ZFHX3: variants seen among roughly 807,000 people sequenced by gnomAD.
The protein encoded by ZFHX3 is zinc finger homeobox 3.
A neutral mutation model predicts 279.1 loss-of-function variants in ZFHX3; 42 were observed. That is an observed-to-expected ratio of 0.15 (90% CI 0.12 to 0.19). The LOEUF is 0.19. ZFHX3 is among the 10% of genes least tolerant of loss of function. ZFHX3 has a pLI of 1.00. For synonymous variants in ZFHX3, 2,293 were observed against 1,957.8 expected (o/e 1.17, Z -4.52); for missense variants, 4,981 against 4,754.0 (o/e 1.05, Z -1.40).
At chr16:73,504,335 G>T (rs825853) in intron 2 of ZFHX3, 2 of 152,004 alleles carry the variant, frequency 1.3e-5, no homozygotes, top group African/African-American at 4.8e-5. Context: ...TTTTTGAAAG[G>T]GGAAAACCAA....
intron 1 of ZFHX3, among the ~76,000 whole-genome samples, chr16:73,736,003 G>A (rs1397274906): frequency 1.3e-5 from 2 of 151,762 alleles, no homozygotes; most frequent in African/African-American, 4.9e-5. Flanking sequence ...GCTCCCCCAG[G>A]GTACTAAGCA....
intron 1 of ZFHX3, among the ~76,000 whole-genome samples, chr16:73,798,138 G>C (rs1425087406): frequency 6.6e-6 from 1 of 152,036 alleles, no homozygotes; most frequent in African/African-American, 2.4e-5. Flanking sequence ...CTATAAGGTA[G>C]TAATAACACT....
chr16:73,845,271 C>T (rs754219170), intron 1 of ZFHX3, among the ~76,000 whole-genome samples: 4 of 152,100 alleles, frequency 2.6e-5, no homozygotes, highest in Non-Finnish European at 4.4e-5. Flanking sequence ...AAGAGCCAGA[C>T]GTTTTTTCTC....
At chr16:73,478,311 A>G (rs929964665) in intron 2 of ZFHX3, among the ~76,000 whole-genome samples, 14 of 150,450 alleles carry the variant, frequency 9.3e-5, no homozygotes, top group East Asian at 7.9e-4. Context: ...TAAAAGCCAT[A>G]TGACATGCCT....
At chr16:72,890,545 T>G (rs2038748759) in intron 3 of ZFHX3, among the ~76,000 whole-genome samples, 1 of 151,874 alleles carries the variant, frequency 6.6e-6, no homozygotes, top group Non-Finnish European at 1.5e-5. Flanking sequence ...CTCTAGCAGT[T>G]CTTTGAAAAA....
chr16:73,504,210 A>T (rs1185638444), intron 2 of ZFHX3: 3 of 152,302 alleles, frequency 2.0e-5, no homozygotes, highest in African/African-American at 7.2e-5. Flanking sequence ...ATGTATTTTT[A>T]AAAATCTTAA....
chr16:73,889,558 A>T (rs1030357828), intron 1 of ZFHX3, among the ~76,000 whole-genome samples: 19 of 152,238 alleles, frequency 1.2e-4, no homozygotes, highest in Admixed American at 9.8e-4. Context: ...AGGAAAACTT[A>T]GGGTGAAGTA....
chr16:73,279,023 C>T (rs1377219796), intron 4 of ZFHX3, among the ~76,000 whole-genome samples: 1 of 152,228 alleles, frequency 6.6e-6, no homozygotes, highest in Non-Finnish European at 1.5e-5. Flanking sequence ...CCATACTTCT[C>T]AGTTAAATGT....
At chr16:73,549,501 G>A (rs1254107215) in intron 2 of ZFHX3, among the ~76,000 whole-genome samples, 1 of 152,090 alleles carries the variant, frequency 6.6e-6, no homozygotes, top group East Asian at 1.9e-4. Flanking sequence ...AAATAGGAAT[G>A]TAAAAATGGT....
intron 1 of ZFHX3, among the ~76,000 whole-genome samples, chr16:73,818,525 G>A (rs917028588): frequency 8.5e-5 from 13 of 152,172 alleles, no homozygotes; most frequent in African/African-American, 3.1e-4. Context: ...ACCTAGGAAA[G>A]GGTCAGCAGG....
In ZFHX3 at chr16:73,227,992, C is replaced by T. The variant is rs112600484; in HGVS notation, c.-1104+29055G>A. ...CTATAACTTTATTTAACCTTCACAA[C>T]CTCCCTATGTATTAGGCACTATTAT... is the stretch of plus-strand genomic sequence containing the variant. On this transcript the variant is annotated intron_variant, in intron 5 of 17. Coordinates refer to the ZFHX3 transcript ENST00000641206. Among the ~76,000 whole-genome samples, 297 of 152,126 alleles carry T rather than the reference C, an allele frequency of 2.0e-3. 2 individuals are homozygous for T. Among genetic ancestry groups the T allele is most frequent in the African/African-American group, 6.7e-3 (278 of 41,510 alleles).
intron 1 of ZFHX3, among the ~76,000 whole-genome samples, chr16:73,682,955 AAAG>A (rs1322513554): frequency 4.6e-5 from 1 of 21,518 alleles, no homozygotes; most frequent in Non-Finnish European, 9.0e-5. Flanking sequence ...AGAAAGAAAG[AAAG>A]AAAGAAAGAA....
chr16:73,680,609 G>A (rs1257737469), intron 1 of ZFHX3, among the ~76,000 whole-genome samples: 1 of 152,168 alleles, frequency 6.6e-6, no homozygotes, highest in African/African-American at 2.4e-5. Context: ...AAAGGAATTT[G>A]GGATTTTCTC....
intron 3 of ZFHX3, among the ~76,000 whole-genome samples, chr16:72,948,337 C>G (rs928783495): frequency 6.6e-6 from 1 of 152,194 alleles, no homozygotes; most frequent in Non-Finnish European, 1.5e-5. Context: ...TCCCAACGCT[C>G]AGGACCCTTC....
In ZFHX3 at chr16:73,303,937, T is replaced by C. The variant is rs966013472; in HGVS notation, c.-1194+14303A>G. Among the ~76,000 whole-genome samples, 59 of 132,720 alleles carry C rather than the reference T, an allele frequency of 4.4e-4. 1 individual carries two copies. The highest frequency in any genetic ancestry group is 4.6e-4 in the South Asian group (2 of 4,342). 87.1% of individuals were successfully genotyped at this position (132,720 alleles called of 152,430 possible). A position where few individuals can be genotyped will look rare whatever the true frequency, so the allele number is the denominator to read the frequency against. ...ATCACTAAGTGATGCTCACCCAATC[T>C]GATGGAGGTTCAAAAACCCTAGGTG... On this transcript the variant is annotated intron_variant, in intron 4 of 17. Transcript: ENST00000641206.
At position 73,168,211 on chromosome 16, in the gene ZFHX3, T is replaced by TCTTTCTTTCTTTCTTTCTTTC. The variant is rs1967422435; in HGVS notation, c.-1103-24381_-1103-24380insGAAAGAAAGAAAGAAAGAAAG. On this transcript the variant is annotated intron_variant, in intron 5 of 17. Coordinates refer to the ZFHX3 transcript ENST00000641206. Reference sequence around the variant, plus strand: ...CCTTTTAACACTATAGTTTCTTTTGTTTTCTTTCTTTCTTTCTTTCTTTCT... The same window carrying TCTTTCTTTCTTTCTTTCTTTC: ...CCTTTTAACACTATAGTTTCTTTTGTCTTTCTTTCTTTCTTTCTTTCTTTCTTTCTTTCTTTCTTTCTTTCT... 5.2e-5 allele frequency among the ~76,000 whole-genome samples: 5 copies of TCTTTCTTTCTTTCTTTCTTTC among 95,312 alleles called. No individual in the cohort carries two copies. In the Admixed American group the frequency reaches 6.0e-4, roughly 11 times the overall value. The allele number at this position is 95,312 out of a possible 152,430, so 62.5% of individuals were successfully genotyped here. A position where few individuals can be genotyped will look rare whatever the true frequency, so the allele number is the denominator to read the frequency against.
intron 4 of ZFHX3, among the ~76,000 whole-genome samples, chr16:73,288,955 C>T (rs1330053596): frequency 6.7e-6 from 1 of 148,498 alleles, no homozygotes; most frequent in African/African-American, 2.5e-5. Flanking sequence ...CTCTTTGTCT[C>T]TTGTTATACC....
chr16:73,339,078 T>G (rs1390169378), intron 3 of ZFHX3, among the ~76,000 whole-genome samples: 1 of 152,184 alleles, frequency 6.6e-6, no homozygotes, highest in Non-Finnish European at 1.5e-5. Context: ...CCAATTAAAC[T>G]TCTTTTCTTT....
chr16:72,798,781 G>C, intron 8 of ZFHX3, 67 bp from the exon 9 acceptor site: 1 of 1,497,018 alleles, frequency 6.7e-7, no homozygotes, highest in Non-Finnish European at 8.8e-7. Flanking sequence ...ATGGCACCCA[G>C]AGCGGTCTAC....
Sources: allele counts gnomAD v4.1 joint callset (sites outside exome capture counted in the v4.1 genomes callset), GRCh38; gene constraint gnomAD v4.1.1; transcripts MANE v1.5; gene names NCBI Gene and HGNC (gene_info 2026-07-23, HGNC 2026-07-21).